Variants in SYT1 observed in about 807,000 individuals in gnomAD.
The protein encoded by SYT1 is synaptotagmin-1.
A neutral mutation model predicts 44.8 loss-of-function variants in SYT1; 8 were observed. That is an observed-to-expected ratio of 0.18 (90% CI 0.10 to 0.32). The LOEUF is 0.32. Ranked by LOEUF, SYT1 falls within the 10% of genes least tolerant of loss-of-function variation. The probability of loss-of-function intolerance (pLI) is 1.00; values close to 1 mark genes in which losing one functional copy is unlikely to be tolerated. For synonymous variants in SYT1, 154 were observed against 188.8 expected (o/e 0.82, Z 1.51); for missense variants, 286 against 509.3 (o/e 0.56, Z 4.22).
chr12:79,003,246 A>C (rs1870858306), intron 2 of SYT1, among the ~76,000 whole-genome samples: 1 of 152,054 alleles, frequency 6.6e-6, no homozygotes, highest in Non-Finnish European at 1.5e-5. Context: ...TGTTTCTATC[A>C]CATGACATCT....
At chr12:79,169,282 A>G (rs1422054069) in intron 3 of SYT1, among the ~76,000 whole-genome samples, 1 of 152,076 alleles carries the variant, frequency 6.6e-6, no homozygotes, top group Non-Finnish European at 1.5e-5. Context: ...ACCAAATTTT[A>G]TAAACTGCAT....
chr12:79,339,517 G>A (rs1288868257), intron 8 of SYT1, among the ~76,000 whole-genome samples: 2 of 152,046 alleles, frequency 1.3e-5, no homozygotes, highest in African/African-American at 4.8e-5. Context: ...TGATGGGGTC[G>A]TTTGATTTTT....
chr12:78,952,147 G>T (rs1879001904), intron 1 of SYT1, among the ~76,000 whole-genome samples: 1 of 152,028 alleles, frequency 6.6e-6, no homozygotes, highest in South Asian at 2.1e-4. Flanking sequence ...GAAATCCTGG[G>T]CCAAAATGGA....
intron 4 of SYT1, among the ~76,000 whole-genome samples, chr12:79,224,664 G>A (rs1232422549): frequency 6.6e-6 from 1 of 151,878 alleles, no homozygotes; most frequent in African/African-American, 2.4e-5. Context: ...TTTACACTGA[G>A]TGAAATAAAA....
intron 3 of SYT1, among the ~76,000 whole-genome samples, chr12:79,149,057 T>C (rs1870101609): frequency 6.6e-6 from 1 of 152,176 alleles, no homozygotes; most frequent in African/African-American, 2.4e-5. Flanking sequence ...CATTACTTTA[T>C]ATTTGAGTAA....
At chr12:79,269,542 T>C (rs1267766647) in intron 4 of SYT1, among the ~76,000 whole-genome samples, 1 of 152,176 alleles carries the variant, frequency 6.6e-6, no homozygotes, top group African/African-American at 2.4e-5. Context: ...GGTTAAATGA[T>C]CTGATGCAGG....
intron 1 of SYT1, among the ~76,000 whole-genome samples, chr12:78,941,065 C>CTTTTTTTTTTTTTT (rs398044555): frequency 1.8e-4 from 12 of 68,446 alleles, no homozygotes; most frequent in Non-Finnish European, 2.1e-4. Context: ...CTTTTTTTTT[C>CTTTTTTTTTTTTTT]TTTTTTTTTT....
intron 2 of SYT1, among the ~76,000 whole-genome samples, chr12:79,017,863 A>G (rs192599143): frequency 1.0e-3 from 158 of 152,192 alleles, no homozygotes; most frequent in African/African-American, 2.8e-3. Context: ...AGAGTTTAGT[A>G]TAGAAGTCAT....
chr12:79,275,705 T>G (rs1326568159), intron 4 of SYT1, among the ~76,000 whole-genome samples: 1 of 152,186 alleles, frequency 6.6e-6, no homozygotes, highest in African/African-American at 2.4e-5. Flanking sequence ...CTATTGGGTT[T>G]TGCATTTACC....
rs151192454 is a variant in SYT1 at position 79,150,346 on chromosome 12, G to A, written c.-17-67157G>A. Among the ~76,000 whole-genome samples the A allele has an allele frequency of 6.1e-3, 935 of 152,162 alleles. 8 individuals carry two copies. Among genetic ancestry groups the A allele is most frequent in the Non-Finnish European group, 9.5e-3 (644 of 67,992 alleles). On this transcript the variant is annotated intron_variant, in intron 3 of 10. Transcript: ENST00000261205. The stretch of plus-strand genomic sequence containing the variant: ...ACTTTATTCTAAGTAAAATAAGCAG[G>A]CACCAAGAGATAAATATTGCATGGT...
chr12:79,077,260 A>G (rs1048275140), intron 3 of SYT1, among the ~76,000 whole-genome samples: 2 of 152,174 alleles, frequency 1.3e-5, no homozygotes, highest in Non-Finnish European at 2.9e-5. Flanking sequence ...CTTTGCCCAG[A>G]TACAAAGCAC....
intron 3 of SYT1, among the ~76,000 whole-genome samples, chr12:79,174,465 A>G (rs945241430): frequency 1.3e-5 from 2 of 152,052 alleles, no homozygotes; most frequent in Non-Finnish European, 2.9e-5. Context: ...ATTAATAAAA[A>G]GTGTAACGAG....
chr12:79,419,828 G>A (rs1341064990), intron 9 of SYT1, among the ~76,000 whole-genome samples: 1 of 151,794 alleles, frequency 6.6e-6, no homozygotes, highest in Non-Finnish European at 1.5e-5. Flanking sequence ...CATTTTGTTT[G>A]TCATTCCAAT....
chr12:79,001,196 C>CATTT (rs1316352974), intron 2 of SYT1, among the ~76,000 whole-genome samples: 1 of 151,500 alleles, frequency 6.6e-6, no homozygotes, highest in African/African-American at 2.4e-5. Flanking sequence ...TTACATGCTA[C>CATTT]ATTTAATGGA....
intron 3 of SYT1, among the ~76,000 whole-genome samples, chr12:79,088,149 A>G (rs1171940718): frequency 1.3e-5 from 2 of 152,082 alleles, no homozygotes; most frequent in Admixed American, 6.6e-5. Flanking sequence ...TGGTCTCAAA[A>G]TCAGGGTTAT....
At chr12:79,268,912 C>A (rs1009231360) in intron 4 of SYT1, among the ~76,000 whole-genome samples, 1 of 151,670 alleles carries the variant, frequency 6.6e-6, no homozygotes, top group South Asian at 2.1e-4. Context: ...AGTCTGAAAA[C>A]CAAAGGAAAG....
intron 1 of SYT1, among the ~76,000 whole-genome samples, chr12:78,893,020 T>C (rs1184566706): frequency 8.6e-5 from 13 of 151,860 alleles, no homozygotes; most frequent in Admixed American, 8.6e-4. Context: ...GATCTACTGC[T>C]GGCCTTTGCC....
chr12:79,426,397 A>G (rs1869450626), intron 9 of SYT1, among the ~76,000 whole-genome samples: 1 of 152,064 alleles, frequency 6.6e-6, no homozygotes, highest in Non-Finnish European at 1.5e-5. Context: ...GCAATTATTC[A>G]AGGAAAAAAA....
intron 3 of SYT1, among the ~76,000 whole-genome samples, chr12:79,190,101 A>C (rs1873024123): frequency 6.6e-6 from 1 of 152,148 alleles, no homozygotes; most frequent in African/African-American, 2.4e-5. Flanking sequence ...GCAGCACTAC[A>C]TCCTGAAGAA....
Sources: gnomAD v4.1 joint callset for allele counts (sites outside exome capture counted in the v4.1 genomes callset) on GRCh38, gnomAD v4.1.1 for gene constraint, MANE v1.5 for transcripts, NCBI Gene and HGNC (gene_info 2026-07-23, HGNC 2026-07-21) for gene names.